Variants in TOM1 observed in about 807,000 individuals in gnomAD.
TOM1 encodes target of Myb protein 1.
Under a neutral mutation model 61.3 loss-of-function variants are expected in TOM1, and 38 were observed. That is an observed-to-expected ratio of 0.62 (90% CI 0.48 to 0.81). TOM1 has a LOEUF of 0.81. TOM1 is among the 40% of genes least tolerant of loss of function. TOM1 has a pLI of 0.00. For synonymous variants in TOM1, 270 were observed against 268.8 expected (o/e 1.00, Z -0.04); for missense variants, 591 against 659.6 (o/e 0.90, Z 1.14).
chr22:35,317,524 T>C (rs186244947), intron 1 of TOM1, among the ~76,000 whole-genome samples: 80 of 152,282 alleles, frequency 5.3e-4, no homozygotes, highest in Admixed American at 3.7e-3. Flanking sequence ...GAACATCTTA[T>C]CTACAGAAAT....
rs778456902 is a variant in TOM1 at position 35,346,954 on chromosome 22, G to T, written c.1309G>T (p.Gly437Trp). Residue 437 changes from glycine to tryptophan, a missense_variant, in exon 14 of 15, where the codon GGG becomes TGG. Transcript: ENST00000449058. ...GGGTAATGATGCGGAAGAGCCTAAG[G>T]GGGTCACCAGCGAAGGTAGTAGTCC... ...DVGNDAEEPK[G>W]VTSEEFDKFL... 6.2e-7 allele frequency: 1 copy of T among 1,612,948 alleles called. No individual in the cohort carries two copies.
intron 1 of TOM1, among the ~76,000 whole-genome samples, chr22:35,304,757 C>T (rs937362313): frequency 2.6e-5 from 4 of 152,246 alleles, no homozygotes; most frequent in African/African-American, 9.6e-5. Flanking sequence ...GGATTACAGG[C>T]GTGAGCCACT....
rs746807235 is a variant in TOM1, at chr22:35,330,406, C to T, written c.825C>T (p.Ile275=). The T allele has an allele frequency of 9.3e-6, 15 of 1,613,482 alleles. No individual in the cohort carries two copies. The highest frequency in any genetic ancestry group is 6.7e-5 in the East Asian group (3 of 44,822). The change falls in exon 8 of 15, where the codon ATC becomes ATT. Residue 275 remains isoleucine, a synonymous_variant. Coordinates refer to ENST00000449058, the MANE Select transcript of TOM1 (RefSeq NM_005488.3). The part of the protein sequence containing the change: ...QQRVLELIPQ[I]ANEQLTEELL... ...GGGTCCTGGAGCTCATCCCTCAGAT[C>T]GCCAATGAGCAGCTGACAGAGGAGC... is the stretch of plus-strand genomic sequence containing the variant.
At chr22:35,318,379 A>G (rs1264082965) in intron 2 of TOM1, 1 of 192,366 alleles carries the variant, frequency 5.2e-6, no homozygotes, top group Non-Finnish European at 1.1e-5. Flanking sequence ...CCATTTCCTT[A>G]AGATTTGAAA....
At chr22:35,306,298 A>C (rs1467078439) in intron 1 of TOM1, among the ~76,000 whole-genome samples, 2 of 152,216 alleles carry the variant, frequency 1.3e-5, no homozygotes, top group African/African-American at 2.4e-5. Flanking sequence ...ACTGTTCCTC[A>C]AAGTGGGGTA....
At chr22:35,305,926 G>C (rs929332608) in intron 1 of TOM1, among the ~76,000 whole-genome samples, 10 of 152,072 alleles carry the variant, frequency 6.6e-5, no homozygotes, top group African/African-American at 1.9e-4. Flanking sequence ...GGGTCAGTGA[G>C]CTTTTTCTAT....
At chr22:35,337,451 C>T (rs1031236748) in intron 11 of TOM1, among the ~76,000 whole-genome samples, 4 of 152,208 alleles carry the variant, frequency 2.6e-5, no homozygotes, top group African/African-American at 7.2e-5. Context: ...AGGGCCCTGC[C>T]GTAGTCACTG....
chr22:35,300,273 G>A (rs1354845383), intron 1 of TOM1, among the ~76,000 whole-genome samples: 1 of 152,276 alleles, frequency 6.6e-6, no homozygotes, highest in East Asian at 1.9e-4. Flanking sequence ...CCCCAATCGA[G>A]GGAGAAAGTT....
chr22:35,340,825 C>T (rs1929810978), intron 12 of TOM1, among the ~76,000 whole-genome samples: 1 of 152,180 alleles, frequency 6.6e-6, no homozygotes, highest in African/African-American at 2.4e-5. Context: ...TCTTCGTGAC[C>T]CCCAAGGGCA....
intron 1 of TOM1, among the ~76,000 whole-genome samples, chr22:35,313,832 G>A (rs1927050758): frequency 2.0e-5 from 3 of 152,342 alleles, no homozygotes; most frequent in South Asian, 2.1e-4. Flanking sequence ...CTGCAAAGCC[G>A]CCTGATGACA....
At chr22:35,310,423 C>T (rs1926720235) in intron 1 of TOM1, among the ~76,000 whole-genome samples, 1 of 152,186 alleles carries the variant, frequency 6.6e-6, no homozygotes, top group Non-Finnish European at 1.5e-5. Context: ...CATGGTGGCA[C>T]ACGCCTGTAG....
chr22:35,334,242 C>A, intron 10 of TOM1, 86 bp from the exon 11 acceptor site: 2 of 1,526,930 alleles, frequency 1.3e-6, no homozygotes, highest in South Asian at 1.3e-5. Context: ...CAGCACCAAG[C>A]CCTGGGTCTG....
chr22:35,319,520 C>T (rs950305166), intron 2 of TOM1, among the ~76,000 whole-genome samples: 2 of 152,218 alleles, frequency 1.3e-5, no homozygotes, highest in African/African-American at 2.4e-5. Flanking sequence ...CCAGAACTTC[C>T]GATTCCCAGT....
intron 1 of TOM1, among the ~76,000 whole-genome samples, chr22:35,304,906 G>A (rs1601661093): frequency 6.6e-6 from 1 of 152,240 alleles, no homozygotes; most frequent in East Asian, 1.9e-4. Context: ...AACAGAGATG[G>A]TAAATATGGG....
In TOM1 at chr22:35,333,027, T is replaced by C. The variant is rs772849873; in HGVS notation, c.933+13T>C. On this transcript the variant is annotated intron_variant, in intron 9 of 14. Transcript: ENST00000449058. The stretch of plus-strand genomic sequence containing the variant: ...CCAGACCACCAAGGTAAAAGTCTTC[T>C]TTTCTGTGACTAGATCAGGCCCTGT... 20 of 1,614,136 alleles carry C rather than the reference T, an allele frequency of 1.2e-5. 1 individual carries two copies. In the Admixed American group the frequency reaches 3.0e-4, roughly 24 times the overall value.
intron 1 of TOM1, among the ~76,000 whole-genome samples, chr22:35,309,659 A>AG (rs1007368533): frequency 1.9e-4 from 28 of 151,278 alleles, no homozygotes; most frequent in South Asian, 4.2e-4. Flanking sequence ...AAAAAAAAAA[A>AG]AGAGAGAGAA....
At chr22:35,336,712 C>T (rs1434896110) in intron 11 of TOM1, 1 of 152,394 alleles carries the variant, frequency 6.6e-6, no homozygotes, top group Non-Finnish European at 1.5e-5. Context: ...AGCCCCTGCC[C>T]ACCAGCCCCA....
intron 6 of TOM1, 99 bp downstream of exon 6, chr22:35,324,013 C>T: frequency 2.1e-6 from 3 of 1,414,644 alleles, no homozygotes; most frequent in East Asian, 2.4e-5. Context: ...GGAGCCTCCA[C>T]TTCTTCCTCA....
chr22:35,322,255 C>A lies in TOM1; in HGVS notation c.216+218C>A, dbSNP rs140122879. On this transcript the variant is annotated intron_variant, in intron 3 of 14. Transcript: ENST00000449058. Reference sequence around the variant, plus strand: ...CCCAATCCCCCAGCATGGGAACAGACGCTTACATCACTCCAGAACCACTGG... The same window carrying A: ...CCCAATCCCCCAGCATGGGAACAGAAGCTTACATCACTCCAGAACCACTGG... 7.4e-5 allele frequency: 41 copies of A among 557,750 alleles called. No homozygotes were observed. In the South Asian group the frequency reaches 8.7e-4, roughly 12 times the overall value. 34.6% of individuals were successfully genotyped at this position (557,750 alleles called of 1,614,324 possible).
Sources: gnomAD v4.1 joint callset for allele counts (sites outside exome capture counted in the v4.1 genomes callset) on GRCh38, gnomAD v4.1.1 for gene constraint, MANE v1.5 for transcripts, NCBI Gene and HGNC (gene_info 2026-07-23, HGNC 2026-07-21) for gene names.